The following CAST variants were observed in gnomAD, a reference collection of about 807,000 sequenced individuals.
The protein encoded by CAST is calpastatin.
A neutral mutation model predicts 119.6 loss-of-function variants in CAST; 76 were observed. That is an observed-to-expected ratio of 0.64 (90% confidence interval 0.53 to 0.77). The LOEUF (loss-of-function observed/expected upper bound fraction) is 0.77. CAST is among the 30% of genes least tolerant of loss of function. The pLI is 0.00. For synonymous variants in CAST, 319 were observed against 331.6 expected (o/e 0.96, Z 0.41); for missense variants, 953 against 946.5 (o/e 1.01, Z -0.09).
the CAST span, among the ~76,000 whole-genome samples, chr5:96,205,290 G>A: frequency 6.6e-5 from 10 of 152,120 alleles, no homozygotes; most frequent in Non-Finnish European, 1.0e-4. Flanking sequence ...TATGAATTGT[G>A]CCTCTGGTGT....
chr5:96,747,720 A>G (rs111993917), intron 18 of CAST, among the ~76,000 whole-genome samples: 8 of 152,280 alleles, frequency 5.3e-5, no homozygotes, highest in African/African-American at 1.7e-4. Context: ...TAATGATTCT[A>G]TTTTGCCTTA....
At chr5:96,571,929 A>G (rs1339420725) in intron 1 of CAST, among the ~76,000 whole-genome samples, 1 of 152,254 alleles carries the variant, frequency 6.6e-6, no homozygotes, top group African/African-American at 2.4e-5. Flanking sequence ...ATCATTAAAT[A>G]TATTGATGTT....
At chr5:96,185,761 A>G in the CAST span, among the ~76,000 whole-genome samples, 1 of 152,102 alleles carries the variant, frequency 6.6e-6, no homozygotes, top group Admixed American at 6.5e-5. Flanking sequence ...CCCTTGTAGT[A>G]TAGTTTGAAG....
the CAST span, among the ~76,000 whole-genome samples, chr5:96,339,586 T>G: frequency 2.6e-5 from 4 of 152,198 alleles, no homozygotes; most frequent in Non-Finnish European, 5.9e-5. Context: ...AGAACACAGT[T>G]ATATCTGGAC....
At chr5:96,703,324 C>T (rs945082798) in intron 3 of CAST, among the ~76,000 whole-genome samples, 3 of 152,116 alleles carry the variant, frequency 2.0e-5, no homozygotes, top group Non-Finnish European at 2.9e-5. Context: ...AGATAGATCT[C>T]CTCCTCCCCA....
At chr5:96,663,022 C>G in intron 1 of CAST, 3 of 690,428 alleles carry the variant, frequency 4.3e-6, no homozygotes, top group Non-Finnish European at 7.9e-6. Flanking sequence ...ATGTGCGGAG[C>G]TCAGTGCCAG....
chr5:96,755,498 T>G (rs916847147), intron 22 of CAST, among the ~76,000 whole-genome samples: 3 of 152,216 alleles, frequency 2.0e-5, no homozygotes, highest in Admixed American at 2.0e-4. Context: ...AAGTACAGAT[T>G]GTACACAACA....
At chr5:96,485,012 C>T in the CAST span, among the ~76,000 whole-genome samples, 1 of 152,262 alleles carries the variant, frequency 6.6e-6, no homozygotes, top group South Asian at 2.1e-4. Flanking sequence ...GAATTAAGTT[C>T]TGAGCAGAAC....
the CAST span, among the ~76,000 whole-genome samples, chr5:96,327,484 T>A: frequency 2.0e-5 from 3 of 152,212 alleles, no homozygotes; most frequent in Non-Finnish European, 4.4e-5. Flanking sequence ...AGTGCCATCC[T>A]TTTTACAGGA....
At chr5:96,342,109 C>T in the CAST span, among the ~76,000 whole-genome samples, 6 of 152,170 alleles carry the variant, frequency 3.9e-5, no homozygotes, top group East Asian at 1.9e-4. Context: ...GAGTGGCTGC[C>T]GCCACCACCA....
chr5:96,520,061 G>A, the CAST span, among the ~76,000 whole-genome samples: 50 of 152,276 alleles, frequency 3.3e-4, no homozygotes, highest in Admixed American at 3.9e-4. Flanking sequence ...CCTCAACAAA[G>A]CACCCTGATG....
chr5:96,287,148 T>A, the CAST span, among the ~76,000 whole-genome samples: 2 of 152,108 alleles, frequency 1.3e-5, no homozygotes, highest in Non-Finnish European at 2.9e-5. Context: ...GTACCTGAGA[T>A]GAGACAAACA....
chr5:96,397,372 G>A, the CAST span: 3 of 1,612,212 alleles, frequency 1.9e-6, no homozygotes, highest in African/African-American at 2.7e-5. Context: ...TACCTATAGG[G>A]TTCTCTCCCC....
the CAST span, among the ~76,000 whole-genome samples, chr5:96,345,095 A>G: frequency 2.6e-5 from 4 of 152,114 alleles, no homozygotes; most frequent in African/African-American, 9.7e-5. Flanking sequence ...TAGAATTTTG[A>G]GATCTCCCTT....
chr5:95,983,265 C>T, the CAST span, among the ~76,000 whole-genome samples: 1 of 152,200 alleles, frequency 6.6e-6, no homozygotes, highest in African/African-American at 2.4e-5. Flanking sequence ...CTGAAGAGGG[C>T]TGGCAGTACT....
the CAST span, among the ~76,000 whole-genome samples, chr5:96,253,066 C>CT: frequency 2.0e-5 from 3 of 152,060 alleles, no homozygotes; most frequent in Non-Finnish European, 4.4e-5. Context: ...AGGCCAGATA[C>CT]TTTTTTAAAA....
At chr5:96,700,717 C>T (rs1459687027) in intron 3 of CAST, among the ~76,000 whole-genome samples, 1 of 152,086 alleles carries the variant, frequency 6.6e-6, no homozygotes, top group East Asian at 1.9e-4. Flanking sequence ...AATTCTGATT[C>T]GCCGGGGTGG....
chr5:96,393,171 C>G, the CAST span: 1 of 1,614,144 alleles, frequency 6.2e-7, no homozygotes, highest in Non-Finnish European at 8.5e-7. Context: ...TAGAAGTTTT[C>G]ATAAGGGATG....
chr5:95,962,181 C>T, the CAST span: 1 of 277,178 alleles, frequency 3.6e-6, no homozygotes, highest in Admixed American at 5.3e-5. Flanking sequence ...GTCTGGTTAC[C>T]TGGAGTTGGA....
Sources: allele counts gnomAD v4.1 joint callset (sites outside exome capture counted in the v4.1 genomes callset), GRCh38; gene constraint gnomAD v4.1.1; transcripts MANE v1.5; gene names NCBI Gene and HGNC (gene_info 2026-07-23, HGNC 2026-07-21).